The following FHOD3 variants were observed in gnomAD, a reference collection of about 807,000 sequenced individuals.
FHOD3 encodes formin homology 2 domain containing 3.
Under a neutral mutation model 173.0 loss-of-function variants are expected in FHOD3, and 90 were observed. The ratio of observed to expected loss-of-function variants is 0.52; its 90% CI spans 0.44 to 0.62. The LOEUF (loss-of-function observed/expected upper bound fraction) is 0.62. Among genes scored for constraint, FHOD3 ranks in the 20% least tolerant of loss-of-function variants. The probability of loss-of-function intolerance (pLI) is 0.00; values close to 1 mark genes in which losing one functional copy is unlikely to be tolerated. For synonymous variants in FHOD3, 828 were observed against 823.0 expected, an observed-to-expected ratio of 1.01 and a Z score of -0.10; for missense variants, 1,945 against 2,034.7, an observed-to-expected ratio of 0.96 and a Z score of 0.85.
intron 3 of FHOD3, among the ~76,000 whole-genome samples, chr18:36,462,556 C>G (rs2052623040): frequency 6.6e-6 from 1 of 151,746 alleles, no homozygotes; most frequent in South Asian, 2.1e-4. Context: ...TGGTCTCAAT[C>G]TCCTGAGCTT....
intron 5 of FHOD3, among the ~76,000 whole-genome samples, chr18:36,568,879 T>G (rs2058364037): frequency 6.6e-6 from 1 of 152,166 alleles, no homozygotes; most frequent in Non-Finnish European, 1.5e-5. Flanking sequence ...TCACCACCCC[T>G]GGGCCAAGTT....
intron 3 of FHOD3, among the ~76,000 whole-genome samples, chr18:36,373,308 A>G (rs2047282106): frequency 6.6e-6 from 1 of 152,230 alleles, no homozygotes; most frequent in African/African-American, 2.4e-5. Context: ...AGGAAAAAAA[A>G]GGAACTAAAT....
intron 3 of FHOD3, among the ~76,000 whole-genome samples, chr18:36,418,089 A>G (rs942783376): frequency 6.6e-6 from 1 of 152,358 alleles, no homozygotes; most frequent in Middle Eastern, 3.4e-3. Context: ...TGCGGCAAAA[A>G]TGACACTTGT....
chr18:36,304,377 T>C (rs12964942), intron 1 of FHOD3, among the ~76,000 whole-genome samples: 1 of 152,170 alleles, frequency 6.6e-6, no homozygotes, highest in East Asian at 1.9e-4. Flanking sequence ...TATAGGTATG[T>C]GGGGAGGGCT....
intron 14 of FHOD3, among the ~76,000 whole-genome samples, chr18:36,670,637 A>G (rs148980424): frequency 6.6e-6 from 1 of 152,190 alleles, no homozygotes; most frequent in African/African-American, 2.4e-5. Flanking sequence ...AACTAATTCT[A>G]TCATCTGTGT....
At chr18:36,440,974 AGGGCAC>A (rs1299916631) in intron 3 of FHOD3, among the ~76,000 whole-genome samples, 4 of 152,146 alleles carry the variant, frequency 2.6e-5, no homozygotes, top group Non-Finnish European at 5.9e-5. Context: ...TGCAATTGGC[AGGGCAC>A]CCAGTTACAT....
At chr18:36,643,402 A>C (rs983616418) in intron 10 of FHOD3, among the ~76,000 whole-genome samples, 1 of 152,098 alleles carries the variant, frequency 6.6e-6, no homozygotes, top group Non-Finnish European at 1.5e-5. Flanking sequence ...TGACAACTAA[A>C]AATGTCTCCA....
At chr18:36,560,272 A>G (rs1205328202) in intron 5 of FHOD3, among the ~76,000 whole-genome samples, 1 of 152,212 alleles carries the variant, frequency 6.6e-6, no homozygotes, top group African/African-American at 2.4e-5. Flanking sequence ...GCAAGCTTAT[A>G]CTAAAGCCAG....
At chr18:36,679,459 C>A (rs1035674660) in intron 14 of FHOD3, among the ~76,000 whole-genome samples, 1 of 151,886 alleles carries the variant, frequency 6.6e-6, no homozygotes, top group East Asian at 1.9e-4. Flanking sequence ...CCACTGTTGC[C>A]TTTCCAATTG....
At chr18:36,686,807 G>GT (rs1406972570) in intron 15 of FHOD3, among the ~76,000 whole-genome samples, 1 of 152,110 alleles carries the variant, frequency 6.6e-6, no homozygotes, top group Non-Finnish European at 1.5e-5. Context: ...TGTTATTGCT[G>GT]TATTTTATTT....
In FHOD3 at chr18:36,668,829, T is replaced by C. The variant is rs536018311; in HGVS notation, c.1835+10641T>C. Reference sequence around the variant, plus strand: ...GTTACTGATTTCTAATTTAATAAAATTGCGGTCAGAGAACATATGTTGTAT... The same window carrying C: ...GTTACTGATTTCTAATTTAATAAAACTGCGGTCAGAGAACATATGTTGTAT... On this transcript the variant is annotated intron_variant, in intron 14 of 28. Coordinates refer to ENST00000590592, the MANE Select transcript of FHOD3 (RefSeq NM_001281740.3). 1.4e-4 allele frequency among the ~76,000 whole-genome samples: 21 copies of C among 152,182 alleles called. No individual in the cohort carries two copies. In the South Asian group the frequency reaches 4.1e-3, roughly 30 times the overall value.
At chr18:36,455,493 A>G (rs1243441151) in intron 3 of FHOD3, among the ~76,000 whole-genome samples, 38 of 152,174 alleles carry the variant, frequency 2.5e-4, no homozygotes, top group Admixed American at 2.5e-3. Flanking sequence ...TTCTTTCAAA[A>G]GAGAACTTTT....
intron 5 of FHOD3, among the ~76,000 whole-genome samples, chr18:36,572,711 A>G (rs141640656): frequency 2.4e-5 from 3 of 126,068 alleles, no homozygotes; most frequent in African/African-American, 8.7e-5. Context: ...CTTGGCCAGT[A>G]CCAGAGGCCC....
At position 36,439,541 on chromosome 18, in the gene FHOD3, G is replaced by A. The variant is rs1028641887; in HGVS notation, c.338-62391G>A. Among the ~76,000 whole-genome samples, 135 of 151,672 alleles carry A rather than the reference G, an allele frequency of 8.9e-4. 2 individuals carry two copies. The highest frequency in any genetic ancestry group is 2.6e-3 in the African/African-American group (106 of 41,324). On this transcript the variant is annotated intron_variant, in intron 3 of 28. Coordinates refer to ENST00000590592, the MANE Select transcript of FHOD3 (RefSeq NM_001281740.3). ...ATAGAATGTGTGTGTGTGTGTGTGT[G>A]TGTGTGTGTGTGTGTGTGTGTGTGT...
At position 36,720,148 on chromosome 18, in the gene FHOD3, C is replaced by T. The variant is rs1315292039; in HGVS notation, c.3417+1433C>T. Among the ~76,000 whole-genome samples, 3 of 151,936 alleles carry T rather than the reference C, an allele frequency of 2.0e-5. No homozygotes were observed. In the East Asian group the frequency reaches 5.8e-4, roughly 29 times the overall value. ...AAAATAACACCTAAGAAAGGGTTGC[C>T]AGACACCCACTCTTGGTGTGTCTGT... On this transcript the variant is annotated intron_variant, in intron 19 of 28. Coordinates refer to ENST00000590592, the MANE Select transcript of FHOD3 (RefSeq NM_001281740.3).
chr18:36,325,946 T>A (rs2044648725), intron 1 of FHOD3, among the ~76,000 whole-genome samples: 1 of 152,222 alleles, frequency 6.6e-6, no homozygotes, highest in South Asian at 2.1e-4. Context: ...TTAAAAACTT[T>A]CTTCAGGGAA....
intron 3 of FHOD3, among the ~76,000 whole-genome samples, chr18:36,490,340 C>T (rs2054403070): frequency 6.6e-6 from 1 of 152,164 alleles, no homozygotes; most frequent in Admixed American, 6.5e-5. Flanking sequence ...AAAGCTGACT[C>T]ATTCCCTCCA....
chr18:36,442,978 GT>G (rs2051241061), intron 3 of FHOD3, among the ~76,000 whole-genome samples: 1 of 152,140 alleles, frequency 6.6e-6, no homozygotes, highest in Admixed American at 6.5e-5. Flanking sequence ...CTCAAGCTTG[GT>G]TTGTTTGATG....
chr18:36,609,096 A>C (rs189393512), intron 8 of FHOD3, among the ~76,000 whole-genome samples: 1 of 152,282 alleles, frequency 6.6e-6, no homozygotes, highest in East Asian at 1.9e-4. Context: ...GTAAAGATTT[A>C]CTTGTCACAG....
Sources: gnomAD v4.1 joint callset for allele counts (sites outside exome capture counted in the v4.1 genomes callset) on GRCh38, gnomAD v4.1.1 for gene constraint, MANE v1.5 for transcripts, NCBI Gene and HGNC (gene_info 2026-07-23, HGNC 2026-07-21) for gene names.